Variants in GPA33 observed in about 807,000 individuals in gnomAD.
GPA33 encodes the protein cell surface A33 antigen.
GPA33 carries 27 observed loss-of-function variants against 35.6 expected under a neutral mutation model. That is an observed-to-expected ratio of 0.76 (90% CI 0.56 to 1.04). GPA33 has a LOEUF of 1.04. GPA33 is among the 50% of genes least tolerant of loss of function. GPA33 has a pLI of 0.00. For synonymous variants in GPA33, 176 were observed against 164.0 expected, an observed-to-expected ratio of 1.07 and a Z score of -0.56; for missense variants, 428 against 411.9, an observed-to-expected ratio of 1.04 and a Z score of -0.34.
chr1:167,056,615 G>GTGGTGTA (rs1666269470), intron 4 of GPA33, among the ~76,000 whole-genome samples: 3 of 136,262 alleles, frequency 2.2e-5, no homozygotes, highest in Non-Finnish European at 1.6e-5. Flanking sequence ...TGTGTAGTGT[G>GTGGTGTA]TGTGGTGAGT....
At chr1:167,068,504 T>G (rs1049979169) in intron 3 of GPA33, among the ~76,000 whole-genome samples, 3 of 152,230 alleles carry the variant, frequency 2.0e-5, no homozygotes, top group Non-Finnish European at 4.4e-5. Context: ...GAATTTCTGC[T>G]GGGTAGCCAA....
intron 6 of GPA33, 98 bp from the exon 7 acceptor site, chr1:167,054,564 A>G (rs1571299743): frequency 6.9e-7 from 1 of 1,448,696 alleles, no homozygotes; most frequent in East Asian, 2.3e-5. Flanking sequence ...CAGCCTCCAG[A>G]CCTCCTCCCC....
intron 4 of GPA33, 140 bp downstream of exon 4, chr1:167,063,442 A>G (rs1666509946): frequency 3.0e-6 from 2 of 667,260 alleles, no homozygotes; most frequent in Non-Finnish European, 2.6e-6. Flanking sequence ...AGAGGTGGGG[A>G]TAGGGGGATA....
chr1:167,071,953 G>A (rs1429214814), intron 2 of GPA33, among the ~76,000 whole-genome samples: 2 of 152,234 alleles, frequency 1.3e-5, no homozygotes, highest in Non-Finnish European at 1.5e-5. Context: ...CTGTCAGGCA[G>A]AGACCTCAAG....
chr1:167,080,703 G>T (rs1666927626), intron 1 of GPA33, among the ~76,000 whole-genome samples: 1 of 152,168 alleles, frequency 6.6e-6, no homozygotes, highest in Non-Finnish European at 1.5e-5. Context: ...TTCACATAAA[G>T]TGCATATCCT....
Position 167,063,710 on chromosome 1 carries a change from AT to A in GPA33, c.442del (p.Ile148SerfsTer6). 1 of 1,613,424 alleles carries A rather than the reference AT, an allele frequency of 6.2e-7. No individual in the cohort carries two copies. Among genetic ancestry groups the A allele is most frequent in the Admixed American group, 1.7e-5 (1 of 60,000 alleles). Reference sequence around the variant, plus strand: ...GTTCCCAATTATGGTCTCTCCCTCGATGCCGCATTCTGGTTTGGAGGGTGGC... The same window carrying A: ...GTTCCCAATTATGGTCTCTCCCTCGAGCCGCATTCTGGTTTGGAGGGTGGC... ...LVPPSKPECG[I>X]EGETIIGNNI... On this transcript the variant is annotated frameshift_variant, in exon 4 of 7. Coordinates refer to ENST00000367868, the MANE Select transcript of GPA33 (RefSeq NM_005814.3). LOFTEE classifies it high-confidence loss of function.
In GPA33 at chr1:167,055,804, G is replaced by A. The variant is rs747670451; in HGVS notation, c.617C>T (p.Ser206Leu). 16 of 1,613,580 alleles carry A rather than the reference G, an allele frequency of 9.9e-6. No homozygotes were observed. In the Admixed American group the frequency reaches 1.0e-4, roughly 10 times the overall value. Residue 206 changes from serine (S) to leucine (L), a missense_variant, in exon 5 of 7, where the codon TCG becomes TTG. By Grantham distance (145) the Ser-to-Leu change is moderately radical (BLOSUM62 -2). Transcript: ENST00000367868. ...GCTGGAGGTACAGATGTAGTAACCC[G>A]ATGTGTCTGTGGAGATATTCTTCAG... Reference protein sequence around the residue: ...VSLKNISTDTSGYYICTSSNE... With the variant: ...VSLKNISTDTLGYYICTSSNE...
chr1:167,090,162 G>T, intron 1 of GPA33, 83 bp downstream of exon 1: 1 of 1,070,734 alleles, frequency 9.3e-7, no homozygotes, highest in Non-Finnish European at 1.5e-6. Flanking sequence ...TCCTGGGAAG[G>T]CTCTGACAGA....
At chr1:167,075,146 C>A (rs1666799102) in intron 1 of GPA33, among the ~76,000 whole-genome samples, 1 of 152,012 alleles carries the variant, frequency 6.6e-6, no homozygotes, top group African/African-American at 2.4e-5. Flanking sequence ...GGTGATCCAC[C>A]CACCTCAGCC....
intron 5 of GPA33, 150 bp downstream of exon 5, chr1:167,055,580 A>C: frequency 1.2e-6 from 1 of 815,534 alleles, no homozygotes; most frequent in East Asian, 2.6e-5. Context: ...GGACAGAGTC[A>C]TCCTGCCTAG....
At chr1:167,066,982 T>TAA (rs892569580) in intron 3 of GPA33, among the ~76,000 whole-genome samples, 2 of 152,234 alleles carry the variant, frequency 1.3e-5, no homozygotes, top group African/African-American at 4.8e-5. Context: ...CTGGCTGCCT[T>TAA]AAAATAGCCT....
chr1:167,090,099 C>T (rs2281964), intron 1 of GPA33, 146 bp downstream of exon 1: 262,007 of 651,082 alleles, frequency 0.4, 55,248 homozygotes, highest in Middle Eastern at 0.51. Flanking sequence ...GGCACTGGTC[C>T]GGAATGTGTA....
At chr1:167,070,821 G>A (rs1276162279) in intron 2 of GPA33, among the ~76,000 whole-genome samples, 4 of 152,208 alleles carry the variant, frequency 2.6e-5, no homozygotes, top group African/African-American at 4.8e-5. Context: ...AGACCATGAA[G>A]CCAGGAGAAG....
intron 4 of GPA33, among the ~76,000 whole-genome samples, chr1:167,063,005 G>T (rs765842610): frequency 2.0e-5 from 3 of 152,332 alleles, no homozygotes; most frequent in East Asian, 1.9e-4. Context: ...ATCAGGGCAC[G>T]TTCATCCAAG....
At chr1:167,056,839 G>GT (rs1491436728) in intron 4 of GPA33, among the ~76,000 whole-genome samples, 6 of 13,706 alleles carry the variant, frequency 4.4e-4, no homozygotes, top group Admixed American at 8.1e-4. Flanking sequence ...TGTGTGTGGT[G>GT]AGTGTGTAAT....
chr1:167,055,474 T>C lies in GPA33; in HGVS notation c.691+256A>G, dbSNP rs183697591. On this transcript the variant is annotated intron_variant, in intron 5 of 6. Coordinates refer to ENST00000367868, the MANE Select transcript of GPA33 (RefSeq NM_005814.3). ...GCCCACCGAGTGGTTCCTAGGCAGG[T>C]GGGACTGACAAAGCCTCTGAGTCCT... Among the ~76,000 whole-genome samples the C allele has an allele frequency of 7.6e-3, 1,151 of 152,150 alleles. 7 individuals are homozygous for C. Among genetic ancestry groups the C allele is most frequent in the Middle Eastern group, 0.024 (7 of 294 alleles).
intron 4 of GPA33, among the ~76,000 whole-genome samples, chr1:167,060,739 C>T (rs1666420485): frequency 6.6e-6 from 1 of 152,176 alleles, no homozygotes; most frequent in Admixed American, 6.5e-5. Flanking sequence ...TGTGAGGCTC[C>T]TCAGAAGGTA....
At chr1:167,060,052 G>A (rs1282592515) in intron 4 of GPA33, among the ~76,000 whole-genome samples, 2 of 152,146 alleles carry the variant, frequency 1.3e-5, no homozygotes, top group African/African-American at 4.8e-5. Flanking sequence ...AGAAGAATTA[G>A]CAGATTCTCT....
intron 4 of GPA33, among the ~76,000 whole-genome samples, chr1:167,056,658 G>GTGCA (rs548972794): frequency 5.4e-3 from 3 of 558 alleles, no homozygotes; most frequent in African/African-American, 0.017. Context: ...AGTGTGTGTG[G>GTGCA]TACGGTGAGT....
Sources: gnomAD v4.1 joint callset for allele counts (sites outside exome capture counted in the v4.1 genomes callset) on GRCh38, gnomAD v4.1.1 for gene constraint, MANE v1.5 for transcripts, NCBI Gene and HGNC (gene_info 2026-07-23, HGNC 2026-07-21) for gene names.